BRINP3: variants seen among roughly 807,000 people sequenced by gnomAD.
The protein encoded by BRINP3 is BMP/retinoic acid inducible neural specific 3, also known as BMP/retinoic acid-inducible neural-specific protein 3.
In BRINP3, 19 loss-of-function variants were observed where a neutral mutation model predicts 71.0. That is an observed-to-expected ratio of 0.27 (90% CI 0.19 to 0.39). The LOEUF (loss-of-function observed/expected upper bound fraction) is 0.39, where lower values mean the gene tolerates loss of function less well. Ranked by LOEUF, BRINP3 falls within the 10% of genes least tolerant of loss-of-function variation. BRINP3 has a pLI of 1.00. For missense variants in BRINP3, 959 were observed against 940.8 expected, an observed-to-expected ratio of 1.02 and a Z score of -0.25; for synonymous variants, 380 against 337.7, an observed-to-expected ratio of 1.13 and a Z score of -1.37.
intron 2 of BRINP3, among the ~76,000 whole-genome samples, chr1:190,353,182 G>C (rs559836527): frequency 6.6e-6 from 1 of 151,798 alleles, no homozygotes; most frequent in South Asian, 2.1e-4. Flanking sequence ...TAAGTTCCTT[G>C]GCTTGTCAGG....
At chr1:190,138,144 G>A (rs533628399) in intron 7 of BRINP3, among the ~76,000 whole-genome samples, 21 of 152,110 alleles carry the variant, frequency 1.4e-4, no homozygotes, top group African/African-American at 5.1e-4. Context: ...AGTAAAGACG[G>A]GGTTTCTCCA....
At chr1:190,144,141 A>C (rs1655688182) in intron 7 of BRINP3, among the ~76,000 whole-genome samples, 1 of 152,310 alleles carries the variant, frequency 6.6e-6, no homozygotes, top group East Asian at 1.9e-4. Flanking sequence ...CAAGAAAATT[A>C]CAGGAAATTT....
chr1:190,441,657 T>A lies in BRINP3; in HGVS notation c.236+12998A>T, dbSNP rs527375857. Among the ~76,000 whole-genome samples the A allele has an allele frequency of 2.0e-5, 3 of 152,228 alleles. No homozygotes were observed. The East Asian group carries it at 5.8e-4, about 29-fold the overall frequency. On this transcript the variant is annotated intron_variant, in intron 2 of 7. Transcript: ENST00000367462. ...TAAACCAGTATGTTTGAGTATAATT[T>A]TCAAGAAAAGAAAATTATTGACAGA...
intron 2 of BRINP3, among the ~76,000 whole-genome samples, chr1:190,438,784 A>G (rs1369457045): frequency 2.0e-5 from 3 of 151,864 alleles, no homozygotes; most frequent in African/African-American, 7.2e-5. Context: ...AGGAAGAGTA[A>G]ATGTTCCCTC....
intron 2 of BRINP3, among the ~76,000 whole-genome samples, chr1:190,370,492 A>G (rs1669788501): frequency 6.6e-6 from 1 of 152,176 alleles, no homozygotes; most frequent in South Asian, 2.1e-4. Context: ...ATCTATCATC[A>G]AAAAAATATA....
chr1:190,201,573 G>A (rs1655005594), intron 6 of BRINP3, among the ~76,000 whole-genome samples: 1 of 152,148 alleles, frequency 6.6e-6, no homozygotes, highest in South Asian at 2.1e-4. Flanking sequence ...AGGACTTTAT[G>A]GCAGCCTCTC....
intron 6 of BRINP3, among the ~76,000 whole-genome samples, chr1:190,197,597 G>A (rs1654607025): frequency 6.6e-6 from 1 of 152,198 alleles, no homozygotes; most frequent in Admixed American, 6.5e-5. Flanking sequence ...CAGGAGGGCA[G>A]TCAAAACATA....
intron 2 of BRINP3, among the ~76,000 whole-genome samples, chr1:190,315,588 G>A (rs909676224): frequency 3.3e-5 from 5 of 151,988 alleles, no homozygotes; most frequent in South Asian, 2.1e-4. Context: ...TCTTCTACAC[G>A]AGAAATGCAG....
chr1:190,195,415 G>A (rs1288245205), intron 6 of BRINP3, among the ~76,000 whole-genome samples: 1 of 151,832 alleles, frequency 6.6e-6, no homozygotes, highest in Non-Finnish European at 1.5e-5. Flanking sequence ...CACTCCCTTG[G>A]TGAAGAAAAT....
chr1:190,341,979 T>C (rs1201619334), intron 2 of BRINP3, among the ~76,000 whole-genome samples: 2 of 150,250 alleles, frequency 1.3e-5, no homozygotes, highest in African/African-American at 4.9e-5. Context: ...GACTGAGTTC[T>C]TCCTGGACAC....
chr1:190,454,743 C>T lies in BRINP3; in HGVS notation c.148G>A (p.Asp50Asn), dbSNP rs1675875196. Residue 50 changes from aspartate (D) to asparagine (N), a missense_variant, in exon 2 of 8, where the codon GAT (aspartate) becomes AAT (asparagine). Physicochemically the swap from Asp to Asn is conservative, Grantham distance 23. Coordinates refer to ENST00000367462, the MANE Select transcript of BRINP3 (RefSeq NM_199051.3). ...ATSPFDWLLS[D>N]KGPFHRSQEY... ...TGTGAGCGATGGAAGGGTCCCTTAT[C>T]AGAGAGGAGCCAGTCGAAGGGGCTT... 1.2e-6 allele frequency: 2 copies of T among 1,614,118 alleles called. No homozygotes were observed. The highest frequency in any genetic ancestry group is 1.7e-5 in the Admixed American group (1 of 60,024).
At chr1:190,229,645 AACACACACACACACACACACACACAC>A (rs71794093) in intron 5 of BRINP3, among the ~76,000 whole-genome samples, 1 of 133,414 alleles carries the variant, frequency 7.5e-6, no homozygotes, top group Non-Finnish European at 1.6e-5. Context: ...AACAAAACAA[AACACACACACACACACACACACACAC>A]ACACACACAC....
intron 5 of BRINP3, among the ~76,000 whole-genome samples, chr1:190,228,465 G>A (rs1406499488): frequency 6.6e-6 from 1 of 151,422 alleles, no homozygotes; most frequent in African/African-American, 2.4e-5. Context: ...TCTGTAAGAC[G>A]GTAGTGCTTT....
chr1:190,423,587 T>C (rs997137645), intron 2 of BRINP3, among the ~76,000 whole-genome samples: 1 of 151,878 alleles, frequency 6.6e-6, no homozygotes, highest in Admixed American at 6.6e-5. Context: ...CGAATTACTT[T>C]AATTTTTGAC....
chr1:190,162,990 T>C (rs1651149403), intron 6 of BRINP3, among the ~76,000 whole-genome samples: 1 of 152,100 alleles, frequency 6.6e-6, no homozygotes, highest in Non-Finnish European at 1.5e-5. Context: ...TTTAAAAAAA[T>C]GACTAATGAT....
intron 2 of BRINP3, among the ~76,000 whole-genome samples, chr1:190,442,906 CTTTTT>C (rs757648847): frequency 2.0e-5 from 2 of 101,564 alleles, no homozygotes; most frequent in African/African-American, 7.4e-5. Context: ...GTCTCTGTAT[CTTTTT>C]TTTTTTTTTT....
At chr1:190,153,424 T>G (rs1020647080) in intron 7 of BRINP3, among the ~76,000 whole-genome samples, 1 of 152,142 alleles carries the variant, frequency 6.6e-6, no homozygotes, top group Admixed American at 6.6e-5. Context: ...ATGCACTGGG[T>G]ACTTCATATT....
In BRINP3 at chr1:190,384,404, T is replaced by C. The variant is rs562505864; in HGVS notation, c.236+70251A>G. On this transcript the variant is annotated intron_variant, in intron 2 of 7. Coordinates refer to ENST00000367462, the MANE Select transcript of BRINP3 (RefSeq NM_199051.3). Reference sequence around the variant, plus strand: ...AGTAATGAAAACTGATCTATATCAATGGATTTAGGTATGTTTTGCTTTTGC... The same window carrying C: ...AGTAATGAAAACTGATCTATATCAACGGATTTAGGTATGTTTTGCTTTTGC... Among the ~76,000 whole-genome samples, 438 of 152,008 alleles carry C rather than the reference T, an allele frequency of 2.9e-3. 2 individuals carry two copies. Among genetic ancestry groups the C allele is most frequent in the Admixed American group, 6.0e-3 (92 of 15,232 alleles).
intron 6 of BRINP3, among the ~76,000 whole-genome samples, chr1:190,225,154 T>C (rs543328914): frequency 6.6e-6 from 1 of 152,130 alleles, no homozygotes; most frequent in African/African-American, 2.4e-5. Context: ...AATCAGTATA[T>C]TGAATATATA....
Sources: gnomAD v4.1 joint callset for allele counts (sites outside exome capture counted in the v4.1 genomes callset) on GRCh38, gnomAD v4.1.1 for gene constraint, MANE v1.5 for transcripts, NCBI Gene and HGNC (gene_info 2026-07-23, HGNC 2026-07-21) for gene names.